Variants in METTL15 observed in about 807,000 individuals in gnomAD.
The protein encoded by METTL15 is 12S rRNA N(4)-cytidine methyltransferase METTL15.
METTL15 carries 34 observed loss-of-function variants against 38.3 expected under a neutral mutation model. The observed-to-expected ratio is 0.89, with a 90% CI of 0.68 to 1.18. The LOEUF is 1.18. Among genes scored for constraint, METTL15 ranks in the 50% most tolerant of loss-of-function variants. The pLI is 0.00. For missense variants in METTL15, 438 were observed against 498.4 expected (o/e 0.88, Z 1.15); for synonymous variants, 162 against 170.9 (o/e 0.95, Z 0.41).
At chr11:28,209,903 A>G (rs1042987576) in intron 3 of METTL15, among the ~76,000 whole-genome samples, 2 of 152,060 alleles carry the variant, frequency 1.3e-5, no homozygotes, top group Non-Finnish European at 2.9e-5. Context: ...AAATCTAGCC[A>G]GTAGACTTAT....
At chr11:28,477,888 C>T (rs940619774) in intron 6 of METTL15, among the ~76,000 whole-genome samples, 27 of 152,108 alleles carry the variant, frequency 1.8e-4, no homozygotes, top group African/African-American at 6.5e-4. Flanking sequence ...GCTCAAGTTA[C>T]TGCTAGCTTT....
intron 4 of METTL15, among the ~76,000 whole-genome samples, chr11:28,257,002 G>A (rs1349526601): frequency 1.3e-5 from 2 of 152,000 alleles, no homozygotes; most frequent in African/African-American, 4.8e-5. Flanking sequence ...TATTTGTATA[G>A]TTTCCAAAAT....
intron 6 of METTL15, among the ~76,000 whole-genome samples, chr11:28,432,742 C>T (rs1034046647): frequency 3.9e-5 from 6 of 152,084 alleles, no homozygotes; most frequent in African/African-American, 9.7e-5. Flanking sequence ...GAGTAGTACA[C>T]GTAGGGACAT....
intron 4 of METTL15, among the ~76,000 whole-genome samples, chr11:28,235,983 C>T (rs1371295062): frequency 6.6e-6 from 1 of 151,832 alleles, no homozygotes; most frequent in East Asian, 1.9e-4. Flanking sequence ...TACGTCCCAT[C>T]AATACCTAAT....
chr11:28,292,508 T>G (rs199877502), intron 5 of METTL15, among the ~76,000 whole-genome samples: 1 of 152,050 alleles, frequency 6.6e-6, no homozygotes, highest in African/African-American at 2.4e-5. Context: ...GAATAGTGCC[T>G]CAATAAACAT....
At chr11:28,240,581 T>C (rs566406774) in intron 4 of METTL15, among the ~76,000 whole-genome samples, 93 of 152,304 alleles carry the variant, frequency 6.1e-4, no homozygotes, top group African/African-American at 2.2e-3. Flanking sequence ...ATATAGCAAA[T>C]AGCTTGTTCT....
At chr11:28,153,164 C>T (rs1389817953) in intron 3 of METTL15, among the ~76,000 whole-genome samples, 4 of 152,026 alleles carry the variant, frequency 2.6e-5, no homozygotes, top group Non-Finnish European at 4.4e-5. Flanking sequence ...ATATCTTGTG[C>T]TGACCTCCTA....
At chr11:28,228,851 T>G (rs1853582126) in intron 4 of METTL15, among the ~76,000 whole-genome samples, 1 of 151,936 alleles carries the variant, frequency 6.6e-6, no homozygotes. Flanking sequence ...ACAAGGTATC[T>G]GAAACTTCTT....
chr11:28,117,843 A>G (rs892360908), intron 3 of METTL15, among the ~76,000 whole-genome samples: 1 of 152,114 alleles, frequency 6.6e-6, no homozygotes, highest in Non-Finnish European at 1.5e-5. Flanking sequence ...TTTGTCCATA[A>G]TCCATTATTT....
intron 5 of METTL15, among the ~76,000 whole-genome samples, chr11:28,417,280 C>T (rs1348315562): frequency 6.6e-6 from 1 of 152,098 alleles, no homozygotes; most frequent in Non-Finnish European, 1.5e-5. Context: ...ATTTTGGTGA[C>T]CCTGATTTTT....
intron 4 of METTL15, among the ~76,000 whole-genome samples, chr11:28,219,816 G>T (rs1048190133): frequency 2.0e-5 from 3 of 152,102 alleles, no homozygotes; most frequent in East Asian, 3.9e-4. Context: ...ATTTAGTTAT[G>T]TACCCAGTAG....
intron 3 of METTL15, among the ~76,000 whole-genome samples, chr11:28,140,896 A>G (rs187113501): frequency 3.3e-5 from 5 of 152,276 alleles, no homozygotes; most frequent in Non-Finnish European, 2.9e-5. Flanking sequence ...CTCCTGTTCA[A>G]GTTCCCTTAT....
chr11:28,210,073 C>G (rs1215122002), intron 3 of METTL15, among the ~76,000 whole-genome samples: 1 of 151,968 alleles, frequency 6.6e-6, no homozygotes, highest in Non-Finnish European at 1.5e-5. Flanking sequence ...CTTGTACACA[C>G]ATATGTTTCT....
At chr11:28,122,371 GTATATA>G (rs371299481) in intron 3 of METTL15, among the ~76,000 whole-genome samples, 1,585 of 77,620 alleles carry the variant, frequency 0.02, 16 homozygotes, top group Non-Finnish European at 0.029. Context: ...GTGTGTGTGT[GTATATA>G]TATATATATA....
chr11:28,532,207 T>G, the METTL15 span, among the ~76,000 whole-genome samples: 5 of 152,080 alleles, frequency 3.3e-5, no homozygotes, highest in African/African-American at 4.8e-5. Flanking sequence ...ACTAATTGAT[T>G]AAACCCTTGG....
intron 4 of METTL15, among the ~76,000 whole-genome samples, chr11:28,361,207 T>C: frequency 6.7e-6 from 1 of 149,126 alleles, no homozygotes; most frequent in Non-Finnish European, 1.5e-5. Context: ...ATGGTATTTC[T>C]AGTTCTAGAT....
At chr11:28,371,057 T>C (rs1850238513) in intron 5 of METTL15, among the ~76,000 whole-genome samples, 1 of 152,098 alleles carries the variant, frequency 6.6e-6, no homozygotes, top group South Asian at 2.1e-4. Context: ...TTTAACCTGA[T>C]GTAATCCTAT....
At chr11:28,122,355 GTGTGTGTGTGTGTGTGTA>G (rs1358920768) in intron 3 of METTL15, among the ~76,000 whole-genome samples, 4 of 118,504 alleles carry the variant, frequency 3.4e-5, no homozygotes, top group Non-Finnish European at 5.3e-5. Flanking sequence ...GTGTGTGTGT[GTGTGTGTGTGTGTGTGTA>G]TATATATATA....
At chr11:28,213,277 A>G (rs1590167501) in intron 4 of METTL15, among the ~76,000 whole-genome samples, 1 of 152,170 alleles carries the variant, frequency 6.6e-6, no homozygotes, top group Non-Finnish European at 1.5e-5. Flanking sequence ...CAAGGAAAGT[A>G]TAAACAAAAA....
Sources: allele counts gnomAD v4.1 joint callset (sites outside exome capture counted in the v4.1 genomes callset), GRCh38; gene constraint gnomAD v4.1.1; transcripts MANE v1.5; gene names NCBI Gene and HGNC (gene_info 2026-07-23, HGNC 2026-07-21).